The following ZNF541 variants were observed in gnomAD, a reference collection of about 807,000 sequenced individuals.
ZNF541 encodes zinc finger protein 541.
In ZNF541, 23 loss-of-function variants were observed where a neutral mutation model predicts 123.5. The ratio of observed to expected loss-of-function variants is 0.19; its 90% CI spans 0.13 to 0.26. The LOEUF (loss-of-function observed/expected upper bound fraction) is 0.26, where lower values mean the gene tolerates loss of function less well. ZNF541 is among the 10% of genes least tolerant of loss of function. ZNF541 has a pLI of 1.00. For synonymous variants in ZNF541, 751 were observed against 754.5 expected, an observed-to-expected ratio of 1.00 and a Z score of 0.08; for missense variants, 1,612 against 1,789.9, an observed-to-expected ratio of 0.90 and a Z score of 1.79.
chr19:47,572,561 G>A (rs1251762999), intron 1 of ZNF541, among the ~76,000 whole-genome samples: 4 of 151,546 alleles, frequency 2.6e-5, no homozygotes, highest in African/African-American at 4.9e-5. Context: ...AAGGAAAGGA[G>A]GAGAGATTTG....
At chr19:47,552,004 C>T (rs2123243826) in intron 3 of ZNF541, among the ~76,000 whole-genome samples, 1 of 152,190 alleles carries the variant, frequency 6.6e-6, no homozygotes, top group East Asian at 1.9e-4. Flanking sequence ...ATTAGAGGCG[C>T]CTGCCACCAT....
At position 47,549,458 on chromosome 19, in the gene ZNF541, T is replaced by G. The variant is rs1428177837; in HGVS notation, c.335A>C (p.Lys112Thr). The change falls in exon 4 of 17, where the codon AAA becomes ACA. Residue 112 changes from lysine (K) to threonine (T), a missense_variant. Coordinates refer to ENST00000391901, the MANE Select transcript of ZNF541 (RefSeq NM_001277075.3). ...QDLGLGVLKA[K>T]EADEGGRATS... ...GGCCCTTCCTCCTTCGTCAGCCTCT[T>G]TAGCCTTAAGCACACCTAGCCCCAG... 3 of 1,551,662 alleles carry G rather than the reference T, an allele frequency of 1.9e-6. No homozygotes were observed. The highest frequency in any genetic ancestry group is 1.4e-5 in the African/African-American group (1 of 73,020).
intron 2 of ZNF541, among the ~76,000 whole-genome samples, chr19:47,564,585 A>G (rs949906165): frequency 6.6e-6 from 1 of 152,202 alleles, no homozygotes; most frequent in Non-Finnish European, 1.5e-5. Flanking sequence ...GATCAGGGAA[A>G]TGCAAATCAG....
intron 9 of ZNF541, among the ~76,000 whole-genome samples, chr19:47,536,955 T>C (rs538760227): frequency 4.5e-4 from 69 of 152,274 alleles, no homozygotes; most frequent in African/African-American, 1.6e-3. Context: ...TCTGAAAACA[T>C]GCCAAGTGAA....
chr19:47,564,149 G>A (rs1971173141), intron 2 of ZNF541, among the ~76,000 whole-genome samples: 1 of 152,120 alleles, frequency 6.6e-6, no homozygotes, highest in Non-Finnish European at 1.5e-5. Flanking sequence ...ACTGTATACT[G>A]CACTGCTCCA....
chr19:47,562,637 C>T (rs920051688), intron 2 of ZNF541, among the ~76,000 whole-genome samples: 9 of 152,252 alleles, frequency 5.9e-5, no homozygotes, highest in East Asian at 1.9e-4. Context: ...AATGAGAGAT[C>T]GAGTTTTTCA....
chr19:47,532,413 G>T, intron 10 of ZNF541, 143 bp from the exon 11 acceptor site: 1 of 905,536 alleles, frequency 1.1e-6, no homozygotes, highest in Non-Finnish European at 1.7e-6. Context: ...CATCAGGTAC[G>T]TGCTGTTCCC....
chr19:47,538,110 G>A, intron 9 of ZNF541, 32 bp downstream of exon 9: 1 of 1,548,592 alleles, frequency 6.5e-7, no homozygotes, highest in Non-Finnish European at 8.7e-7. Context: ...TCCACCCTGG[G>A]ATCACAGAGT....
chr19:47,565,559 C>A (rs1182367803), intron 2 of ZNF541, among the ~76,000 whole-genome samples: 2 of 152,092 alleles, frequency 1.3e-5, no homozygotes, highest in Non-Finnish European at 2.9e-5. Flanking sequence ...AGTTTTGCTG[C>A]AGTTCAAATT....
chr19:47,552,862 G>A (rs1220307975), intron 3 of ZNF541, among the ~76,000 whole-genome samples: 1 of 149,746 alleles, frequency 6.7e-6, no homozygotes, highest in Non-Finnish European at 1.5e-5. Context: ...TGTAATCCCA[G>A]CACTTTGGGA....
chr19:47,529,153 G>A (rs996291576), intron 13 of ZNF541, 115 bp from the exon 14 acceptor site: 20 of 767,200 alleles, frequency 2.6e-5, no homozygotes, highest in Non-Finnish European at 4.0e-5. Context: ...CCAATTATGT[G>A]CCAATCTCAT....
chr19:47,538,509 AAG>A (rs1267208842), intron 8 of ZNF541, 70 bp from the exon 9 acceptor site: 4 of 1,392,890 alleles, frequency 2.9e-6, no homozygotes, highest in Non-Finnish European at 3.8e-6. Context: ...CCAGGATGGA[AAG>A]AGAGCAGGAA....
intron 9 of ZNF541, among the ~76,000 whole-genome samples, chr19:47,534,725 T>C (rs896638323): frequency 2.6e-5 from 4 of 151,986 alleles, no homozygotes; most frequent in Admixed American, 6.6e-5. Context: ...AGTGTGATAC[T>C]GGCATAAGGA....
rs2122813727 is a variant in ZNF541, at chr19:47,521,254, C to T, written c.4011G>A (p.Leu1337=). The change falls in exon 17 of 17, where the codon CTG becomes CTA. Residue 1337 remains leucine, a synonymous_variant. Transcript: ENST00000391901. The surrounding 1 kb of genome is among the most constrained non-coding windows in gnomAD (Gnocchi z 4.2). ...ACTGCAGGGGGCCGATGTCAGCTCC[C>T]AGCTCCTCTTCCTTTAGCTGGAAGG... ...VKPFQLKEEE[L]GADIGPLQW 1 of 1,551,748 alleles carries T rather than the reference C, an allele frequency of 6.4e-7. No individual in the cohort carries two copies.
chr19:47,538,286 G>A lies in ZNF541; in HGVS notation c.2950C>T (p.Leu984Phe), dbSNP rs1402401354. The A allele has an allele frequency of 3.9e-6, 6 of 1,550,752 alleles. No individual in the cohort carries two copies. The Admixed American group carries it at 1.2e-4, about 30-fold the overall frequency. ...LRSPMFLVDCLLKGLFQCSPY... is the reference protein window; with the variant it reads ...LRSPMFLVDCFLKGLFQCSPY... ...GAGCACTGGAATAAGCCCTTCAGGA[G>A]GCAGTCCACCAGGAACATGGGTGAC... The change falls in exon 9 of 17, where the codon CTC (leucine) becomes TTC (phenylalanine). Residue 984 changes from leucine to phenylalanine, a missense_variant. Transcript: ENST00000391901.
rs972494306 is a variant in ZNF541 at position 47,544,780 on chromosome 19, G to A, written c.1749C>T (p.Pro583=). The stretch of plus-strand genomic sequence containing the variant: ...GCCTCAGGGCGGCTGGTTTGCCCTC[G>A]GGCGCAGGGAGCTGGGAGGAGACTG... ...VAAVSSQLPA[P]EGKPAALRPL... is the part of the protein sequence containing the mutation. The change falls in exon 5 of 17, where the codon CCC becomes CCT. Residue 583 remains proline (P), a synonymous_variant. Transcript: ENST00000391901. 30 of 1,514,722 alleles carry A rather than the reference G, an allele frequency of 2.0e-5. No individual in the cohort carries two copies. The African/African-American group carries it at 3.9e-4, about 19-fold the overall frequency. The allele number at this position is 1,514,722 out of a possible 1,614,324, so 93.8% of individuals were successfully genotyped here.
intron 4 of ZNF541, among the ~76,000 whole-genome samples, chr19:47,546,410 G>A (rs559631372): frequency 6.6e-6 from 1 of 152,168 alleles, no homozygotes; most frequent in Non-Finnish European, 1.5e-5. Context: ...TGGGGAAGCT[G>A]AGGCAAGAGA....
Position 47,545,045 on chromosome 19 carries a change from T to A in ZNF541, c.1484A>T (p.Glu495Val). 6.8e-7 allele frequency: 1 copy of A among 1,481,288 alleles called. No homozygotes were observed. Among genetic ancestry groups the A allele is most frequent in the Non-Finnish European group, 8.9e-7 (1 of 1,119,784 alleles). 91.8% of individuals were successfully genotyped at this position (1,481,288 alleles called of 1,614,324 possible). The change falls in exon 5 of 17, where the codon GAA becomes GTA. Residue 495 changes from glutamate to valine, a missense_variant. Glu to Val is a moderately radical substitution (Grantham distance 121, BLOSUM62 -2). This residue lies in a region of ZNF541 where 1,080 missense variants were observed against 1,013.8 expected (regional missense o/e 1.07). Coordinates refer to ENST00000391901, the MANE Select transcript of ZNF541 (RefSeq NM_001277075.3). This position sits in a 1 kb window ranked among gnomAD's most constrained non-coding sequence, Gnocchi z 7.5. The stretch of plus-strand genomic sequence containing the variant: ...CTTCTTGGGGGCGCAGGGGTCATCT[T>A]CCCCGCTGGCCGACCTGGGGTCGCT... ...APSDPRSASG[E>V]DDPCAPKKVK...
chr19:47,521,612 G>A lies in ZNF541; in HGVS notation c.3754C>T (p.Pro1252Ser). 2 of 1,551,766 alleles carry A rather than the reference G, an allele frequency of 1.3e-6. No individual in the cohort carries two copies. The highest frequency in any genetic ancestry group is 1.7e-6 in the Non-Finnish European group (2 of 1,146,998). Reference protein sequence around the residue: ...PRERPSHHPTPKLKTKSYRRE... With the variant: ...PRERPSHHPTSKLKTKSYRRE... ...CTATAACTCTTGGTCTTTAACTTGG[G>A]AGTTGGATGGTGGCTGGGTCTCTCC... is the stretch of plus-strand genomic sequence containing the variant. The change falls in exon 16 of 17, where the codon CCC becomes TCC. Residue 1252 changes from proline (P) to serine (S), a missense_variant. By Grantham distance (74) the Pro-to-Ser change is moderately conservative (BLOSUM62 -1). This residue lies in a region of ZNF541 where 285 missense variants were observed against 407.3 expected (regional missense o/e 0.70). Transcript: ENST00000391901. This position sits in a 1 kb window ranked among gnomAD's most constrained non-coding sequence, Gnocchi z 4.2.
Sources: allele counts gnomAD v4.1 joint callset (sites outside exome capture counted in the v4.1 genomes callset), GRCh38; gene constraint gnomAD v4.1.1; regional missense constraint gnomAD v4.1.1; non-coding constraint Gnocchi (gnomAD v3.1); transcripts MANE v1.5; gene names NCBI Gene and HGNC (gene_info 2026-07-23, HGNC 2026-07-21).